Variants in NFE2L2 observed in about 807,000 individuals in gnomAD.
The protein encoded by NFE2L2 is NFE2 like bZIP transcription factor 2.
NFE2L2 carries 20 observed loss-of-function variants against 49.6 expected under a neutral mutation model. That is an observed-to-expected ratio of 0.40 (90% CI 0.28 to 0.59). The LOEUF (loss-of-function observed/expected upper bound fraction) is 0.59. Among genes scored for constraint, NFE2L2 ranks in the 20% least tolerant of loss-of-function variants. NFE2L2 has a pLI of 0.40. For missense variants in NFE2L2, 578 were observed against 714.2 expected (o/e 0.81, Z 2.17); for synonymous variants, 244 against 256.5 (o/e 0.95, Z 0.47).
intron 1 of NFE2L2, among the ~76,000 whole-genome samples, chr2:177,258,317 A>G (rs1690602975): frequency 6.6e-6 from 1 of 152,272 alleles, no homozygotes; most frequent in Admixed American, 6.5e-5. Context: ...CTGTGAAAGA[A>G]GCCAGCAACA....
At chr2:177,243,083 C>A (rs995486816) in intron 1 of NFE2L2, among the ~76,000 whole-genome samples, 1 of 152,130 alleles carries the variant, frequency 6.6e-6, no homozygotes, top group African/African-American at 2.4e-5. Flanking sequence ...GTATTGAGTT[C>A]TAAATGCTGT....
chr2:177,244,039 G>A (rs1435728956), intron 1 of NFE2L2, among the ~76,000 whole-genome samples: 3 of 151,406 alleles, frequency 2.0e-5, no homozygotes, highest in South Asian at 2.1e-4. Flanking sequence ...GGTGGCTCAC[G>A]CCTGTAATCC....
At chr2:177,233,430 T>C in intron 2 of NFE2L2, 91 bp from the exon 3 acceptor site, 6 of 969,668 alleles carry the variant, frequency 6.2e-6, no homozygotes, top group Non-Finnish European at 7.8e-6. Context: ...TCATAAAATA[T>C]TTATAATCAA....
chr2:177,254,435 C>T (rs1326973603), intron 1 of NFE2L2, among the ~76,000 whole-genome samples: 3 of 152,214 alleles, frequency 2.0e-5, no homozygotes, highest in Non-Finnish European at 4.4e-5. Context: ...TTCCTAAGAA[C>T]AAGCAGCAAT....
Position 177,230,931 on chromosome 2 carries a change from T to C in NFE2L2, c.1672A>G (p.Ser558Gly), listed in dbSNP as rs1238775525. The C allele has an allele frequency of 1.9e-6, 3 of 1,613,188 alleles. No homozygotes were observed. The highest frequency in any genetic ancestry group is 2.5e-6 in the Non-Finnish European group (3 of 1,179,830). ...KSLHLLKKQL[S>G]TLYLEVFSML... The stretch of plus-strand genomic sequence containing the variant: ...CTGAAAACTTCGAGATATAAGGTGC[T>C]GAGTTGTTTTTTCAGTAGGTGAAGG... The change falls in exon 5 of 5, where the codon AGC becomes GGC. Residue 558 changes from serine (S) to glycine (G), a missense_variant. Coordinates refer to ENST00000397062, the MANE Select transcript of NFE2L2 (RefSeq NM_006164.5).
Position 177,230,440 on chromosome 2 carries a change from G to A in NFE2L2, c.*345C>T, listed in dbSNP as rs1027767688. 46 of 246,558 alleles carry A rather than the reference G, an allele frequency of 1.9e-4. No individual in the cohort carries two copies. Among genetic ancestry groups the A allele is most frequent in the Non-Finnish European group, 3.1e-5 (4 of 127,988 alleles). 15.3% of individuals were successfully genotyped at this position (246,558 alleles called of 1,614,324 possible). A position where few individuals can be genotyped will look rare whatever the true frequency, so the allele number is the denominator to read the frequency against. ...TTTATAAAAAAGTACATAGTGGTTA[G>A]TTTTGCAATAATTTCTTTTTAGCCA... is the stretch of plus-strand genomic sequence containing the variant. On this transcript the variant is annotated 3_prime_UTR_variant, in exon 5 of 5. Coordinates refer to ENST00000397062, the MANE Select transcript of NFE2L2 (RefSeq NM_006164.5).
chr2:177,247,704 A>G (rs1690185193), intron 1 of NFE2L2, among the ~76,000 whole-genome samples: 1 of 151,054 alleles, frequency 6.6e-6, no homozygotes, highest in African/African-American at 2.4e-5. Context: ...AAAAAAAAAG[A>G]AAAAAGAATA....
At chr2:177,242,900 T>G (rs965762127) in intron 1 of NFE2L2, among the ~76,000 whole-genome samples, 8 of 144,488 alleles carry the variant, frequency 5.5e-5, no homozygotes, top group South Asian at 2.5e-4. Context: ...GGAGGTTTTG[T>G]TTTTTTTTTG....
chr2:177,264,644 C>G lies in NFE2L2; in HGVS notation c.-68G>C. The stretch of plus-strand genomic sequence containing the variant: ...CTGTTCCGGCTGCCGAGGCGCGGCG[C>G]GGACAGGGCGGCTCTGGTGGCGGCG... On this transcript the variant is annotated 5_prime_UTR_variant, in exon 1 of 5. Coordinates refer to ENST00000397062, the MANE Select transcript of NFE2L2 (RefSeq NM_006164.5). 7.3e-7 allele frequency: 1 copy of G among 1,363,894 alleles called. No homozygotes were observed. The highest frequency in any genetic ancestry group is 9.6e-7 in the Non-Finnish European group (1 of 1,043,784). The allele number at this position is 1,363,894 out of a possible 1,614,324, so 84.5% of individuals were successfully genotyped here.
intron 1 of NFE2L2, among the ~76,000 whole-genome samples, chr2:177,247,588 G>A (rs1364713359): frequency 1.3e-5 from 2 of 151,264 alleles, no homozygotes; most frequent in African/African-American, 4.9e-5. Flanking sequence ...TTGAACCCAG[G>A]AGGCGGAGGT....
chr2:177,250,580 A>G (rs1406887571), intron 1 of NFE2L2, among the ~76,000 whole-genome samples: 1 of 152,252 alleles, frequency 6.6e-6, no homozygotes, highest in Admixed American at 6.5e-5. Context: ...CCAGGTGGGT[A>G]GTAGTATGAT....
intron 1 of NFE2L2, chr2:177,264,020 G>A: frequency 2.2e-6 from 2 of 907,326 alleles, no homozygotes; most frequent in Non-Finnish European, 2.6e-6. Context: ...CGCGGCGAAG[G>A]GGCTCCGGGT....
chr2:177,253,559 C>T (rs150507179), intron 1 of NFE2L2, among the ~76,000 whole-genome samples: 43 of 152,042 alleles, frequency 2.8e-4, no homozygotes, highest in African/African-American at 9.4e-4. Flanking sequence ...TAAATATTTG[C>T]GGAATGAGTA....
intron 1 of NFE2L2, among the ~76,000 whole-genome samples, chr2:177,243,758 GTCT>G (rs2105472062): frequency 6.6e-6 from 1 of 152,208 alleles, no homozygotes; most frequent in South Asian, 2.1e-4. Context: ...TCCTGCCTTG[GTCT>G]CCCAAAGTGC....
At chr2:177,255,953 G>C (rs61130794) in intron 1 of NFE2L2, 2 of 153,856 alleles carry the variant, frequency 1.3e-5, no homozygotes, top group South Asian at 2.1e-4. Flanking sequence ...TTTTCCTATT[G>C]CAAGTAAAAA....
chr2:177,251,706 T>G (rs1318535259), intron 1 of NFE2L2, among the ~76,000 whole-genome samples: 1 of 152,134 alleles, frequency 6.6e-6, no homozygotes, highest in Non-Finnish European at 1.5e-5. Flanking sequence ...GTGTTTACAC[T>G]GGAACTCGAG....
At chr2:177,264,150 C>A (rs911414269) in intron 1 of NFE2L2, among the ~76,000 whole-genome samples, 11 of 152,034 alleles carry the variant, frequency 7.2e-5, no homozygotes, top group Admixed American at 5.2e-4. Context: ...CCGGCTCAGA[C>A]GGCCAGCGTC....
chr2:177,255,467 G>C (rs1303016252), intron 1 of NFE2L2, among the ~76,000 whole-genome samples: 2 of 152,178 alleles, frequency 1.3e-5, no homozygotes, highest in African/African-American at 2.4e-5. Context: ...GTCTCTGCTT[G>C]GGAACCAGCA....
rs141344720 is a variant in NFE2L2 at position 177,243,227 on chromosome 2, C to T, written c.46-8956G>A. ...ACTTCAGGAACATTGGATCCAACTCCCTAACCTACTTTACCAAACCTCCAT... is the reference window on the plus strand; with the variant it reads ...ACTTCAGGAACATTGGATCCAACTCTCTAACCTACTTTACCAAACCTCCAT... On this transcript the variant is annotated intron_variant, in intron 1 of 4. Transcript: ENST00000397062. 1.2e-4 allele frequency among the ~76,000 whole-genome samples: 19 copies of T among 152,262 alleles called. No individual in the cohort carries two copies. The East Asian group carries it at 3.7e-3, about 29-fold the overall frequency.
Sources: gnomAD v4.1 joint callset for allele counts (sites outside exome capture counted in the v4.1 genomes callset) on GRCh38, gnomAD v4.1.1 for gene constraint, MANE v1.5 for transcripts, NCBI Gene and HGNC (gene_info 2026-07-23, HGNC 2026-07-21) for gene names.